The following COL26A1 variants were observed in gnomAD, a reference collection of about 807,000 sequenced individuals.
COL26A1 encodes collagen alpha-1(XXVI) chain.
COL26A1 carries 41 observed loss-of-function variants against 59.3 expected under a neutral mutation model. The ratio of observed to expected loss-of-function variants is 0.69; its 90% CI spans 0.54 to 0.90. The LOEUF is 0.90. COL26A1 is among the 40% of genes least tolerant of loss of function. The probability of loss-of-function intolerance (pLI) is 0.00; values close to 1 mark genes in which losing one functional copy is unlikely to be tolerated. For synonymous variants in COL26A1, 266 were observed against 256.0 expected (o/e 1.04, Z -0.37); for missense variants, 612 against 602.3 (o/e 1.02, Z -0.17).
intron 1 of COL26A1, among the ~76,000 whole-genome samples, chr7:101,385,250 T>TATACACAC (rs1554403690): frequency 2.1e-3 from 303 of 147,790 alleles, no homozygotes; most frequent in Non-Finnish European, 3.6e-3. Flanking sequence ...TATATATATA[T>TATACACAC]ACACACACAC....
At chr7:101,391,986 G>A (rs1031888371) in intron 1 of COL26A1, among the ~76,000 whole-genome samples, 12 of 152,056 alleles carry the variant, frequency 7.9e-5, no homozygotes, top group Admixed American at 6.6e-5. Flanking sequence ...CTAAAGTGCT[G>A]GGATTACAGG....
At chr7:101,478,148 A>C (rs1313568190) in intron 3 of COL26A1, among the ~76,000 whole-genome samples, 1 of 151,952 alleles carries the variant, frequency 6.6e-6, no homozygotes, top group African/African-American at 2.4e-5. Flanking sequence ...ACGCCCACCT[A>C]ATTTTTGTGT....
At chr7:101,459,833 G>A (rs1220152533) in intron 3 of COL26A1, among the ~76,000 whole-genome samples, 1 of 152,140 alleles carries the variant, frequency 6.6e-6, no homozygotes, top group African/African-American at 2.4e-5. Flanking sequence ...GGGCAGGCCT[G>A]GGACAGAGGG....
intron 7 of COL26A1, among the ~76,000 whole-genome samples, chr7:101,545,817 G>T (rs1289063672): frequency 1.3e-5 from 2 of 152,204 alleles, no homozygotes; most frequent in East Asian, 3.9e-4. Flanking sequence ...TGCCTTTGGG[G>T]TTGTGAGCCC....
At chr7:101,414,702 G>T (rs993038537) in intron 1 of COL26A1, among the ~76,000 whole-genome samples, 1 of 152,170 alleles carries the variant, frequency 6.6e-6, no homozygotes, top group African/African-American at 2.4e-5. Flanking sequence ...CTCCCAAAGT[G>T]CTGGGATTAC....
chr7:101,437,776 A>G (rs149125681), intron 2 of COL26A1, among the ~76,000 whole-genome samples: 9 of 148,744 alleles, frequency 6.1e-5, no homozygotes, highest in South Asian at 2.1e-4. Context: ...GGGTCTGGCT[A>G]TGTTTCTCAG....
intron 3 of COL26A1, among the ~76,000 whole-genome samples, chr7:101,489,891 T>C (rs1355640501): frequency 1.1e-5 from 1 of 90,762 alleles, no homozygotes; most frequent in African/African-American, 4.5e-5. Flanking sequence ...TCTTTCTTTC[T>C]TTCTTTCTTT....
At chr7:101,489,807 TTTC>T (rs1794387065) in intron 3 of COL26A1, among the ~76,000 whole-genome samples, 2 of 2,522 alleles carry the variant, frequency 7.9e-4, no homozygotes, top group South Asian at 0.011. Context: ...TCTTTCTTTC[TTTC>T]TTTCTTTCTT....
chr7:101,515,199 T>G (rs1394048252), intron 3 of COL26A1, among the ~76,000 whole-genome samples: 2 of 152,204 alleles, frequency 1.3e-5, no homozygotes, highest in Non-Finnish European at 2.9e-5. Context: ...TCTGTCTCCT[T>G]CTTGGAACCT....
intron 3 of COL26A1, among the ~76,000 whole-genome samples, chr7:101,481,771 C>T (rs796471379): frequency 2.6e-5 from 4 of 152,016 alleles, no homozygotes; most frequent in Admixed American, 1.3e-4. Flanking sequence ...ATATTTTGTC[C>T]AGCATTCCAA....
At chr7:101,501,639 C>T (rs1267483437) in intron 3 of COL26A1, among the ~76,000 whole-genome samples, 2 of 152,208 alleles carry the variant, frequency 1.3e-5, no homozygotes, top group Non-Finnish European at 2.9e-5. Context: ...ATCCTTTGCG[C>T]TGTGTCACAC....
At chr7:101,481,360 T>C (rs1047736762) in intron 3 of COL26A1, among the ~76,000 whole-genome samples, 1 of 151,180 alleles carries the variant, frequency 6.6e-6, no homozygotes, top group Non-Finnish European at 1.5e-5. Flanking sequence ...CTCTTTATTC[T>C]TGTAAGCACC....
chr7:101,417,615 TC>T (rs71106528), intron 1 of COL26A1, among the ~76,000 whole-genome samples: 10 of 43,716 alleles, frequency 2.3e-4, no homozygotes, highest in South Asian at 9.7e-4. Context: ...TATCTATATA[TC>T]TAGACATAGA....
intron 1 of COL26A1, among the ~76,000 whole-genome samples, chr7:101,396,194 G>A (rs1791851872): frequency 6.6e-6 from 1 of 152,012 alleles, no homozygotes; most frequent in African/African-American, 2.4e-5. Flanking sequence ...CTTGAACCCA[G>A]GAGGTTGAGG....
intron 3 of COL26A1, among the ~76,000 whole-genome samples, chr7:101,450,544 G>C (rs1793305800): frequency 6.6e-6 from 1 of 152,112 alleles, no homozygotes; most frequent in East Asian, 1.9e-4. Context: ...GACATTCCAA[G>C]GGCTTCCAAA....
chr7:101,494,234 C>A (rs1347681313), intron 3 of COL26A1, among the ~76,000 whole-genome samples: 1 of 151,362 alleles, frequency 6.6e-6, no homozygotes, highest in Non-Finnish European at 1.5e-5. Flanking sequence ...TCAAGCAATT[C>A]TCCTTCCTCA....
At chr7:101,487,454 G>A (rs1300621282) in intron 3 of COL26A1, among the ~76,000 whole-genome samples, 1 of 152,048 alleles carries the variant, frequency 6.6e-6, no homozygotes, top group Non-Finnish European at 1.5e-5. Context: ...CCTTCAACCA[G>A]TTTCCTCGGG....
intron 1 of COL26A1, among the ~76,000 whole-genome samples, chr7:101,398,210 T>C (rs1280205594): frequency 6.6e-6 from 1 of 152,172 alleles, no homozygotes; most frequent in Non-Finnish European, 1.5e-5. Flanking sequence ...TCTGGATTGT[T>C]TTTCACTGTA....
At chr7:101,530,752 C>T (rs1437957628) in intron 3 of COL26A1, among the ~76,000 whole-genome samples, 1 of 151,820 alleles carries the variant, frequency 6.6e-6, no homozygotes, top group African/African-American at 2.4e-5. Context: ...GGAGGACTCC[C>T]TCCTCTGCCC....
Sources: gnomAD v4.1 joint callset for allele counts (sites outside exome capture counted in the v4.1 genomes callset) on GRCh38, gnomAD v4.1.1 for gene constraint, MANE v1.5 for transcripts, NCBI Gene and HGNC (gene_info 2026-07-23, HGNC 2026-07-21) for gene names.